Variants in FAM72A observed in about 807,000 individuals in gnomAD.
FAM72A encodes the protein regulator of UNG2 and MKLN1 interacting yippee protein 1, also known as protein FAM72A.
In FAM72A, 1 loss-of-function variant was observed where a neutral mutation model predicts 11.3. That is an observed-to-expected ratio of 0.09 (90% CI 0.03 to 0.42). The LOEUF (loss-of-function observed/expected upper bound fraction) is 0.42, where lower values mean the gene tolerates loss of function less well. Among genes scored for constraint, FAM72A ranks in the 10% least tolerant of loss-of-function variants. FAM72A has a pLI of 0.98. For missense variants in FAM72A, 15 were observed against 135.5 expected (o/e 0.11, Z 4.41); for synonymous variants, 5 against 46.9 (o/e 0.11, Z 3.65).
intron 3 of FAM72A, among the ~76,000 whole-genome samples, chr1:206,191,480 G>A (rs1449727457): frequency 6.7e-6 from 1 of 149,332 alleles, no homozygotes; most frequent in Non-Finnish European, 1.5e-5. Context: ...AATTAGCTGG[G>A]CGTATGCCTG....
intron 2 of FAM72A, among the ~76,000 whole-genome samples, chr1:206,198,930 AAATT>A (rs1472095497): frequency 1.3e-5 from 2 of 151,142 alleles, no homozygotes; most frequent in East Asian, 3.9e-4. Context: ...AAAAAAAAAA[AAATT>A]AGCTGGGCAT....
At chr1:206,201,431 C>A (rs1302218879) in intron 1 of FAM72A, 1 of 133,536 alleles carries the variant, frequency 7.5e-6, no homozygotes, top group Middle Eastern at 4.0e-3. Context: ...ATTTAGGATG[C>A]CAATTGCAAA....
intron 3 of FAM72A, among the ~76,000 whole-genome samples, chr1:206,191,421 C>T (rs1664786110): frequency 7.2e-6 from 1 of 139,466 alleles, no homozygotes; most frequent in Admixed American, 7.2e-5. Context: ...GTGTTCAAGA[C>T]CAGCCTGACC....
rs552705158 is a variant in FAM72A, at chr1:206,194,482, T to G, written c.355+1270A>C. ...AGAGGTTCTACTATGTGTAAAATTC[T>G]ATCAAATAGCATCACATGCTACAGA... is the stretch of plus-strand genomic sequence containing the variant. On this transcript the variant is annotated intron_variant, in intron 3 of 3. Coordinates refer to ENST00000367128, the MANE Select transcript of FAM72A (RefSeq NM_001123168.3). Among the ~76,000 whole-genome samples, 16 of 152,100 alleles carry G rather than the reference T, an allele frequency of 1.1e-4. 1 individual carries two copies. In the South Asian group the frequency reaches 2.3e-3, roughly 22 times the overall value.
intron 2 of FAM72A, among the ~76,000 whole-genome samples, chr1:206,196,824 TTAAA>T (rs1278975375): frequency 6.6e-6 from 1 of 151,700 alleles, no homozygotes; most frequent in Non-Finnish European, 1.5e-5. Flanking sequence ...TAGTCACATA[TTAAA>T]TAGAGTGAAC....
upstream of FAM72A, chr1:206,203,718 C>G: frequency 7.1e-7 from 1 of 1,403,448 alleles, no homozygotes; most frequent in Non-Finnish European, 9.5e-7. Context: ...CTGAACAAAC[C>G]GGGGCTGGGG....
At chr1:206,193,160 G>A (rs545845151) in intron 3 of FAM72A, among the ~76,000 whole-genome samples, 1,531 of 151,208 alleles carry the variant, frequency 0.01, 28 homozygotes, top group African/African-American at 0.035. Context: ...TGATCTGCCC[G>A]CCTCGGCCTC....
At chr1:206,203,009 G>A (rs1372720242), upstream of FAM72A, 1 of 152,604 alleles carries the variant, frequency 6.6e-6, no homozygotes, top group Non-Finnish European at 1.5e-5. Context: ...CGTAGGCACC[G>A]CCCCAGTAAC....
chr1:206,198,657 T>TTA (rs1553298703), intron 2 of FAM72A, among the ~76,000 whole-genome samples: 1 of 151,698 alleles, frequency 6.6e-6, no homozygotes. Context: ...ACTCAAAAGA[T>TTA]TATAGTAATA....
upstream of FAM72A, chr1:206,203,690 G>T: frequency 2.0e-6 from 2 of 1,004,906 alleles, no homozygotes; most frequent in South Asian, 1.7e-5. Context: ...CCTCCCGGCC[G>T]CCGGGCTGGA....
intron 2 of FAM72A, among the ~76,000 whole-genome samples, chr1:206,197,574 A>AT (rs1665130418): frequency 8.3e-6 from 1 of 120,742 alleles, no homozygotes; most frequent in African/African-American, 3.3e-5. Flanking sequence ...ATTGGGTTAG[A>AT]CAAAATATAT....
In FAM72A at chr1:206,192,751, G is replaced by GTTGGTTTAT. The variant is rs1214046286; in HGVS notation, c.355+2992_355+3000dup. ...AGAAGAAAGTTTGAAGCTAGCAGAG[G>GTTGGTTTAT]TTGGTTTATAAAGTTTAAGGAAAGA... On this transcript the variant is annotated intron_variant, in intron 3 of 3. Coordinates refer to ENST00000367128, the MANE Select transcript of FAM72A (RefSeq NM_001123168.3). Among the ~76,000 whole-genome samples, 4 of 110,544 alleles carry GTTGGTTTAT rather than the reference G, an allele frequency of 3.6e-5. 1 individual carries two copies. The South Asian group carries it at 1.1e-3, about 29-fold the overall frequency. The allele number at this position is 110,544 out of a possible 152,430, so 72.5% of individuals were successfully genotyped here.
chr1:206,186,981 C>T lies in FAM72A; in HGVS notation c.*298G>A, dbSNP rs1664565211. The T allele has an allele frequency of 3.7e-6, 1 of 271,106 alleles. No homozygotes were observed. The highest frequency in any genetic ancestry group is 7.0e-6 in the Non-Finnish European group (1 of 142,980). 16.8% of individuals were successfully genotyped at this position (271,106 alleles called of 1,614,324 possible). The stretch of plus-strand genomic sequence containing the variant: ...TATCAAGTTGTAAGAAAAACTCCCC[C>T]AGATTGGGAGGTAACTGAGTGATAT... On this transcript the variant is annotated 3_prime_UTR_variant, in exon 4 of 4. Coordinates refer to ENST00000367128, the MANE Select transcript of FAM72A (RefSeq NM_001123168.3).
intron 3 of FAM72A, among the ~76,000 whole-genome samples, chr1:206,191,722 T>C (rs1571526765): frequency 2.8e-5 from 3 of 105,806 alleles, no homozygotes; most frequent in Admixed American, 2.7e-4. Context: ...TACTAAAATA[T>C]TATTTTTTTT....
chr1:206,198,992 G>A (rs1228002680), intron 2 of FAM72A, among the ~76,000 whole-genome samples: 3 of 151,202 alleles, frequency 2.0e-5, no homozygotes, highest in Non-Finnish European at 4.4e-5. Flanking sequence ...TGAGGCAGGA[G>A]AATCACTTGA....
chr1:206,191,798 G>A (rs1664821504), intron 3 of FAM72A, among the ~76,000 whole-genome samples: 1 of 147,160 alleles, frequency 6.8e-6, no homozygotes, highest in Admixed American at 6.8e-5. Flanking sequence ...TGCCACCTCG[G>A]CTTACTGCAA....
chr1:206,193,453 A>G lies in FAM72A; in HGVS notation c.355+2299T>C, dbSNP rs1380682731. Among the ~76,000 whole-genome samples, 8 of 152,210 alleles carry G rather than the reference A, an allele frequency of 5.3e-5. 1 individual carries two copies. In the South Asian group the frequency reaches 1.0e-3, roughly 20 times the overall value. ...GGTGATCCATCCACCTCGGCCTCCC[A>G]AAGTCCTGGGATTATAGGCGTGAAC... On this transcript the variant is annotated intron_variant, in intron 3 of 3. Coordinates refer to ENST00000367128, the MANE Select transcript of FAM72A (RefSeq NM_001123168.3).
intron 3 of FAM72A, among the ~76,000 whole-genome samples, chr1:206,191,515 G>A (rs1553297566): frequency 6.6e-6 from 1 of 150,980 alleles, no homozygotes; most frequent in Non-Finnish European, 1.5e-5. Flanking sequence ...GGGAGGCTGA[G>A]GCATGAGAAT....
chr1:206,198,952 C>T (rs1212411837), intron 2 of FAM72A, among the ~76,000 whole-genome samples: 6 of 149,396 alleles, frequency 4.0e-5, no homozygotes, highest in South Asian at 2.1e-4. Flanking sequence ...CATGGTGGTG[C>T]GTGCATGTAA....
Sources: gnomAD v4.1 joint callset for allele counts (sites outside exome capture counted in the v4.1 genomes callset) on GRCh38, gnomAD v4.1.1 for gene constraint, MANE v1.5 for transcripts, NCBI Gene and HGNC (gene_info 2026-07-23, HGNC 2026-07-21) for gene names.